Variants in NRG1 observed in about 807,000 individuals in gnomAD.
The protein encoded by NRG1 is neuregulin 1.
In NRG1, 18 loss-of-function variants were observed where a neutral mutation model predicts 63.8. That is an observed-to-expected ratio of 0.28 (90% CI 0.19 to 0.42). The LOEUF (loss-of-function observed/expected upper bound fraction) is 0.42, where lower values mean the gene tolerates loss of function less well. Among genes scored for constraint, NRG1 ranks in the 10% least tolerant of loss-of-function variants. The pLI, the probability that NRG1 is intolerant of heterozygous loss-of-function variation, is 1.00. For missense variants in NRG1, 762 were observed against 814.7 expected (o/e 0.94, Z 0.79); for synonymous variants, 302 against 301.3 (o/e 1.00, Z -0.02).
chr8:32,553,521 A>G (rs1588256140), intron 1 of NRG1, among the ~76,000 whole-genome samples: 3 of 152,278 alleles, frequency 2.0e-5, no homozygotes, highest in East Asian at 3.9e-4. Flanking sequence ...ACTGAACTCA[A>G]TCTAAATATT....
At chr8:31,951,116 G>A (rs1803402105) in intron 1 of NRG1, among the ~76,000 whole-genome samples, 1 of 152,144 alleles carries the variant, frequency 6.6e-6, no homozygotes, top group African/African-American at 2.4e-5. Flanking sequence ...CTGTTCATTG[G>A]GAAAGTTGGG....
In NRG1 at chr8:32,227,733, A is replaced by G. The variant is rs369040571; in HGVS notation, c.38-368095A>G. Among the ~76,000 whole-genome samples the G allele has an allele frequency of 1.1e-4, 17 of 152,246 alleles. 1 individual carries two copies. The East Asian group carries it at 1.9e-3, about 17-fold the overall frequency. ...AGACCAAGCTCAAATCCATCATCAG[A>G]ATACATACTTAGACCCTCTCCCTTC... On this transcript the variant is annotated intron_variant, in intron 1 of 10. Transcript: ENST00000519301.
chr8:32,597,201 C>T (rs1194461112), intron 2 of NRG1, among the ~76,000 whole-genome samples: 2 of 152,088 alleles, frequency 1.3e-5, no homozygotes, highest in African/African-American at 4.8e-5. Context: ...CCAGTGAACC[C>T]CCAAGTATGG....
At position 32,390,617 on chromosome 8, in the gene NRG1, A is replaced by G. The variant is rs548311603; in HGVS notation, c.38-205211A>G. Among the ~76,000 whole-genome samples, 887 of 150,552 alleles carry G rather than the reference A, an allele frequency of 5.9e-3. 12 individuals are homozygous for G. Among genetic ancestry groups the G allele is most frequent in the African/African-American group, 0.02 (836 of 41,080 alleles). On this transcript the variant is annotated intron_variant, in intron 1 of 10. Transcript: ENST00000519301. The stretch of plus-strand genomic sequence containing the variant: ...GACCCTGTCTTAAAAAAAAAAAAAA[A>G]AAGAAGAAGAAGAAGAAAAGAAAAA...
intron 1 of NRG1, among the ~76,000 whole-genome samples, chr8:31,853,937 C>T (rs1315870832): frequency 6.6e-6 from 1 of 150,900 alleles, no homozygotes; most frequent in Non-Finnish European, 1.5e-5. Flanking sequence ...TGTATTGAAC[C>T]AGCCTTGCAT....
intron 5 of NRG1, among the ~76,000 whole-genome samples, chr8:32,723,595 C>CA (rs1466708458): frequency 1.5e-5 from 2 of 136,194 alleles, no homozygotes; most frequent in Non-Finnish European, 3.1e-5. Context: ...GAGGCTGAGG[C>CA]AGGAGAATTG....
exon 12 of NRG1, chr8:32,767,019 CTTTG>C (rs1831482038): frequency 6.6e-6 from 1 of 152,220 alleles, no homozygotes; most frequent in Non-Finnish European, 1.5e-5. Context: ...TTGACAGCAA[CTTTG>C]TTTCCCGGGT....
At chr8:32,398,535 C>T (rs942400462) in intron 1 of NRG1, among the ~76,000 whole-genome samples, 18 of 151,954 alleles carry the variant, frequency 1.2e-4, no homozygotes, top group South Asian at 2.1e-4. Context: ...CTCAGCCTCC[C>T]GAGTAGCTGG....
At position 31,954,125 on chromosome 8, in the gene NRG1, C is replaced by G. The variant is rs1471017962; in HGVS notation, c.37+314694C>G. Among the ~76,000 whole-genome samples, 4 of 152,034 alleles carry G rather than the reference C, an allele frequency of 2.6e-5. No homozygotes were observed. The South Asian group carries it at 6.2e-4, about 24-fold the overall frequency. ...TTGTTTGACAGACATCCTTCTTTTTCCCATCCCTCCTCTATACCCCATCTT... is the reference window on the plus strand; with the variant it reads ...TTGTTTGACAGACATCCTTCTTTTTGCCATCCCTCCTCTATACCCCATCTT... On this transcript the variant is annotated intron_variant, in intron 1 of 10. Coordinates refer to the NRG1 transcript ENST00000519301.
chr8:32,771,646 C>T (rs1474825059), downstream of NRG1, among the ~76,000 whole-genome samples: 1 of 143,826 alleles, frequency 7.0e-6, no homozygotes, highest in Admixed American at 7.2e-5. Flanking sequence ...GATCTTAGAT[C>T]GACAGTATAT....
At chr8:32,722,097 C>A in intron 5 of NRG1, 1 of 1,355,104 alleles carries the variant, frequency 7.4e-7, no homozygotes, top group Non-Finnish European at 1.0e-6. Flanking sequence ...AATATTCAAA[C>A]ATTTAAAATG....
At chr8:31,801,562 A>G (rs1464086863) in intron 1 of NRG1, among the ~76,000 whole-genome samples, 1 of 152,200 alleles carries the variant, frequency 6.6e-6, no homozygotes, top group Non-Finnish European at 1.5e-5. Context: ...CAGAAACATT[A>G]GTTAGAATTT....
At chr8:32,114,552 T>G (rs995078616) in intron 1 of NRG1, among the ~76,000 whole-genome samples, 1 of 152,114 alleles carries the variant, frequency 6.6e-6, no homozygotes, top group Non-Finnish European at 1.5e-5. Context: ...CCACCCCAGC[T>G]GTAATGGGTG....
intron 1 of NRG1, among the ~76,000 whole-genome samples, chr8:32,327,125 T>C (rs1449785942): frequency 6.6e-6 from 1 of 152,132 alleles, no homozygotes; most frequent in East Asian, 1.9e-4. Context: ...CTCAGAGCAG[T>C]GTGGGGCTGG....
chr8:31,808,710 C>A (rs1321074466), intron 1 of NRG1, among the ~76,000 whole-genome samples: 3 of 152,010 alleles, frequency 2.0e-5, no homozygotes, highest in Non-Finnish European at 4.4e-5. Context: ...GTACTAATAT[C>A]TTGTCTTGAA....
chr8:32,339,177 A>G (rs1431897961), intron 1 of NRG1, among the ~76,000 whole-genome samples: 1 of 152,172 alleles, frequency 6.6e-6, no homozygotes, highest in African/African-American at 2.4e-5. Flanking sequence ...AAAGTGGTCT[A>G]CTTGCATTTG....
chr8:32,772,094 C>A (rs1831866103), downstream of NRG1, among the ~76,000 whole-genome samples: 3 of 136,400 alleles, frequency 2.2e-5, no homozygotes, highest in Admixed American at 7.5e-5. Context: ...TATATAAAAT[C>A]CCACCAAAAG....
chr8:31,947,944 CAAAAAAAAAAAAA>C (rs55953491), intron 1 of NRG1, among the ~76,000 whole-genome samples: 4 of 32,958 alleles, frequency 1.2e-4, no homozygotes, highest in African/African-American at 1.7e-4. Flanking sequence ...GACTCCATCT[CAAAAAAAAAAAAA>C]AAAAAAAAAA....
chr8:31,947,868 C>G (rs1033722445), intron 1 of NRG1, among the ~76,000 whole-genome samples: 12 of 147,906 alleles, frequency 8.1e-5, no homozygotes, highest in Non-Finnish European at 1.3e-4. Flanking sequence ...ATCACTTGAG[C>G]CCAAGAGGCA....
Sources: gnomAD v4.1 joint callset for allele counts (sites outside exome capture counted in the v4.1 genomes callset) on GRCh38, gnomAD v4.1.1 for gene constraint, MANE v1.5 for transcripts, NCBI Gene and HGNC (gene_info 2026-07-23, HGNC 2026-07-21) for gene names.